Variants in RBFOX1 observed in about 807,000 individuals in gnomAD.
The protein encoded by RBFOX1 is RNA binding fox-1 homolog 1.
Under a neutral mutation model 57.7 loss-of-function variants are expected in RBFOX1, and 8 were observed. That is an observed-to-expected ratio of 0.14 (90% CI 0.08 to 0.25). RBFOX1 has a LOEUF of 0.25. Ranked by LOEUF, RBFOX1 falls within the 10% of genes least tolerant of loss-of-function variation. RBFOX1 has a pLI of 1.00. For synonymous variants in RBFOX1, 326 were observed against 222.4 expected (o/e 1.47, Z -4.15); for missense variants, 611 against 548.5 (o/e 1.11, Z -1.14).
intron 3 of RBFOX1, among the ~76,000 whole-genome samples, chr16:5,771,900 A>T (rs950501894): frequency 2.0e-5 from 3 of 152,198 alleles, no homozygotes; most frequent in Admixed American, 2.0e-4. Flanking sequence ...TGGGCTGGGC[A>T]CAGTGGCTCA....
At chr16:6,321,183 A>G (rs1480543163) in intron 2 of RBFOX1, among the ~76,000 whole-genome samples, 1 of 152,230 alleles carries the variant, frequency 6.6e-6, no homozygotes, top group African/African-American at 2.4e-5. Context: ...CATATACTGT[A>G]TAGTAATCAG....
chr16:7,349,096 A>G (rs1267815912), intron 4 of RBFOX1, among the ~76,000 whole-genome samples: 1 of 152,206 alleles, frequency 6.6e-6, no homozygotes, highest in Non-Finnish European at 1.5e-5. Flanking sequence ...TTTCATGACC[A>G]CGATGGAGGT....
intron 2 of RBFOX1, among the ~76,000 whole-genome samples, chr16:6,597,833 C>G (rs1387327972): frequency 6.6e-6 from 1 of 152,132 alleles, no homozygotes; most frequent in Non-Finnish European, 1.5e-5. Context: ...TGTGCCTTGC[C>G]TTTGGGTGTG....
intron 3 of RBFOX1, among the ~76,000 whole-genome samples, chr16:5,620,802 T>C (rs1461036525): frequency 6.6e-6 from 1 of 152,240 alleles, no homozygotes; most frequent in East Asian, 1.9e-4. Context: ...CCTCAGCTGC[T>C]TGAGTAGCCG....
chr16:5,621,118 G>T (rs2048188808), intron 3 of RBFOX1, among the ~76,000 whole-genome samples: 2 of 152,190 alleles, frequency 1.3e-5, no homozygotes, highest in Admixed American at 6.5e-5. Context: ...GGGATTACAG[G>T]CGTTGAGCCA....
chr16:7,010,725 C>G (rs59656305), intron 3 of RBFOX1, among the ~76,000 whole-genome samples: 1 of 151,908 alleles, frequency 6.6e-6, no homozygotes, highest in Admixed American at 6.6e-5. Flanking sequence ...CACCACTGCC[C>G]GGCTGATTTT....
chr16:7,245,531 A>C (rs758932917), intron 4 of RBFOX1, among the ~76,000 whole-genome samples: 3 of 152,216 alleles, frequency 2.0e-5, no homozygotes, highest in African/African-American at 7.2e-5. Flanking sequence ...ATGATTTGCA[A>C]AACGTATTTT....
intron 2 of RBFOX1, among the ~76,000 whole-genome samples, chr16:6,543,570 T>C (rs1266976577): frequency 2.0e-5 from 3 of 152,162 alleles, no homozygotes; most frequent in Admixed American, 2.0e-4. Context: ...CAAGAAGGCC[T>C]TTACTGCTGC....
At position 6,243,912 on chromosome 16, in the gene RBFOX1, A is replaced by T. The variant is rs180920840; in HGVS notation, c.-126-73083A>T. Among the ~76,000 whole-genome samples the T allele has an allele frequency of 6.6e-5, 10 of 152,282 alleles. No individual in the cohort carries two copies. In the East Asian group the frequency reaches 1.9e-3, roughly 29 times the overall value. The stretch of plus-strand genomic sequence containing the variant: ...TCCAGAGGCCATTGTATCAACACTC[A>T]TGTTGGATCTGTAAGACACCCTTCA... On this transcript the variant is annotated intron_variant, in intron 1 of 15. Coordinates refer to ENST00000550418, the MANE Select transcript of RBFOX1 (RefSeq NM_018723.4).
At chr16:6,925,682 T>G (rs1284417094) in intron 3 of RBFOX1, among the ~76,000 whole-genome samples, 3 of 151,984 alleles carry the variant, frequency 2.0e-5, no homozygotes, top group African/African-American at 7.3e-5. Flanking sequence ...GTTAACAGCT[T>G]GATATTTGAG....
intron 12 of RBFOX1, among the ~76,000 whole-genome samples, chr16:7,661,471 G>A (rs1195513670): frequency 6.6e-6 from 1 of 152,046 alleles, no homozygotes; most frequent in Non-Finnish European, 1.5e-5. Context: ...CCTCTCTACC[G>A]AGCCAAGGCT....
At chr16:6,271,252 C>G (rs2075177431) in intron 1 of RBFOX1, among the ~76,000 whole-genome samples, 1 of 152,070 alleles carries the variant, frequency 6.6e-6, no homozygotes, top group South Asian at 2.1e-4. Flanking sequence ...GGTGAAACCC[C>G]ATACCTACTA....
chr16:7,046,519 T>C (rs1298095145), intron 3 of RBFOX1, among the ~76,000 whole-genome samples: 1 of 151,192 alleles, frequency 6.6e-6, no homozygotes, highest in Admixed American at 6.6e-5. Context: ...ATTTTTATTT[T>C]TTAATTGTGC....
At chr16:5,474,904 A>G (rs1357467759) in intron 2 of RBFOX1, among the ~76,000 whole-genome samples, 2 of 152,180 alleles carry the variant, frequency 1.3e-5, no homozygotes, top group Non-Finnish European at 2.9e-5. Context: ...TTGGCTATGG[A>G]TTGAACCTTT....
At chr16:5,257,245 G>A (rs1275805216) in intron 1 of RBFOX1, among the ~76,000 whole-genome samples, 1 of 152,180 alleles carries the variant, frequency 6.6e-6, no homozygotes, top group African/African-American at 2.4e-5. Context: ...ACAAACGTGA[G>A]TGATGAGTGG....
intron 1 of RBFOX1, among the ~76,000 whole-genome samples, chr16:6,294,309 C>A (rs532168625): frequency 6.6e-6 from 1 of 152,286 alleles, no homozygotes; most frequent in Admixed American, 6.5e-5. Flanking sequence ...AGCTTGTAAG[C>A]TTATTAGACT....
intron 3 of RBFOX1, among the ~76,000 whole-genome samples, chr16:6,686,190 A>G (rs2059413554): frequency 6.6e-6 from 1 of 152,218 alleles, no homozygotes; most frequent in African/African-American, 2.4e-5. Flanking sequence ...ATGTAATCAG[A>G]CAGGTTTCCA....
At chr16:6,191,788 C>A (rs1388248574) in intron 1 of RBFOX1, among the ~76,000 whole-genome samples, 2 of 152,054 alleles carry the variant, frequency 1.3e-5, no homozygotes, top group Non-Finnish European at 2.9e-5. Flanking sequence ...TGGAAGTTCA[C>A]CACAGAGCTT....
At chr16:7,278,796 A>G (rs548568621) in intron 4 of RBFOX1, among the ~76,000 whole-genome samples, 336 of 152,362 alleles carry the variant, frequency 2.2e-3, no homozygotes, top group Non-Finnish European at 3.2e-3. Context: ...ATGTACACTG[A>G]TATTCATTCT....
Sources: allele counts gnomAD v4.1 joint callset (sites outside exome capture counted in the v4.1 genomes callset), GRCh38; gene constraint gnomAD v4.1.1; transcripts MANE v1.5; gene names NCBI Gene and HGNC (gene_info 2026-07-23, HGNC 2026-07-21).